Variants in CNOT4 observed in about 807,000 individuals in gnomAD.
CNOT4 encodes CCR4-associated factor 4.
A neutral mutation model predicts 73.8 loss-of-function variants in CNOT4; 8 were observed. The observed-to-expected ratio is 0.11, with a 90% CI of 0.06 to 0.20. The LOEUF is 0.20. CNOT4 is among the 10% of genes least tolerant of loss of function. The probability of loss-of-function intolerance (pLI) is 1.00; values close to 1 mark genes in which losing one functional copy is unlikely to be tolerated. For synonymous variants in CNOT4, 293 were observed against 321.1 expected (o/e 0.91, Z 0.94); for missense variants, 564 against 883.4 (o/e 0.64, Z 4.58).
At chr7:135,490,497 C>A (rs1253278759) in intron 1 of CNOT4, among the ~76,000 whole-genome samples, 1 of 152,168 alleles carries the variant, frequency 6.6e-6, no homozygotes, top group East Asian at 1.9e-4. Context: ...TTCAAAGAAA[C>A]TTTCAGGAAT....
chr7:135,390,201 C>T (rs1454483724), intron 10 of CNOT4, among the ~76,000 whole-genome samples: 3 of 152,042 alleles, frequency 2.0e-5, no homozygotes, highest in South Asian at 4.1e-4. Flanking sequence ...AAAGCACATG[C>T]CAGTGATCTT....
intron 1 of CNOT4, among the ~76,000 whole-genome samples, chr7:135,488,888 T>C (rs1046976845): frequency 6.6e-6 from 1 of 152,116 alleles, no homozygotes; most frequent in African/African-American, 2.4e-5. Flanking sequence ...TATGCTTGTG[T>C]AGTACTACCA....
At chr7:135,416,921 G>A (rs1051416975) in intron 3 of CNOT4, among the ~76,000 whole-genome samples, 1 of 152,162 alleles carries the variant, frequency 6.6e-6, no homozygotes, top group African/African-American at 2.4e-5. Flanking sequence ...TGCCCTGCAA[G>A]ACATGCCTGA....
At chr7:135,370,598 C>T (rs957862747) in intron 10 of CNOT4, among the ~76,000 whole-genome samples, 2 of 152,196 alleles carry the variant, frequency 1.3e-5, no homozygotes, top group East Asian at 3.8e-4. Context: ...GCTGAAAAGC[C>T]TGATGGGGAC....
intron 1 of CNOT4, among the ~76,000 whole-genome samples, chr7:135,485,110 G>A (rs2129487434): frequency 6.6e-6 from 1 of 152,248 alleles, no homozygotes; most frequent in East Asian, 1.9e-4. Flanking sequence ...GTCTCGCTCT[G>A]TCACCAGGCT....
At chr7:135,428,632 G>C (rs1798648067) in intron 2 of CNOT4, among the ~76,000 whole-genome samples, 1 of 151,936 alleles carries the variant, frequency 6.6e-6, no homozygotes, top group African/African-American at 2.4e-5. Context: ...CGCACATGAG[G>C]ACAGGTCAGA....
At chr7:135,390,580 A>C (rs1796349014) in intron 10 of CNOT4, among the ~76,000 whole-genome samples, 1 of 152,194 alleles carries the variant, frequency 6.6e-6, no homozygotes, top group Admixed American at 6.5e-5. Context: ...AATTAAGGAA[A>C]TAACTACTAA....
At chr7:135,477,061 G>C (rs1478264616) in intron 1 of CNOT4, among the ~76,000 whole-genome samples, 1 of 151,948 alleles carries the variant, frequency 6.6e-6, no homozygotes, top group African/African-American at 2.4e-5. Flanking sequence ...TTAATTTTAG[G>C]CCAGATGTTG....
At chr7:135,434,129 G>A (rs890836769) in intron 2 of CNOT4, among the ~76,000 whole-genome samples, 1 of 152,146 alleles carries the variant, frequency 6.6e-6, no homozygotes, top group Non-Finnish European at 1.5e-5. Context: ...CATGGCCTCT[G>A]TAGACCCTGT....
intron 7 of CNOT4, 115 bp downstream of exon 7, chr7:135,410,400 C>G: frequency 1.5e-6 from 1 of 677,430 alleles, no homozygotes; most frequent in Non-Finnish European, 2.3e-6. Flanking sequence ...CTAAACAATT[C>G]TGCATAAATG....
At chr7:135,432,111 C>T (rs1563046881) in intron 2 of CNOT4, among the ~76,000 whole-genome samples, 1 of 151,872 alleles carries the variant, frequency 6.6e-6, no homozygotes, top group Non-Finnish European at 1.5e-5. Flanking sequence ...TCAAAACTTA[C>T]AATAATAAAG....
At chr7:135,453,814 AATATATATATTTTATATATATAT>A (rs1475638810) in intron 1 of CNOT4, among the ~76,000 whole-genome samples, 3 of 108,354 alleles carry the variant, frequency 2.8e-5, no homozygotes, top group Non-Finnish European at 5.8e-5. Flanking sequence ...ATATATAATA[AATATATATATTTTATATATATAT>A]ATATATATAT....
chr7:135,384,633 C>T, intron 10 of CNOT4: 1 of 764,430 alleles, frequency 1.3e-6, no homozygotes, highest in Non-Finnish European at 2.4e-6. Flanking sequence ...GAGCTTATCT[C>T]TTCCCACCAC....
intron 1 of CNOT4, among the ~76,000 whole-genome samples, chr7:135,489,609 T>A (rs951173156): frequency 7.2e-5 from 11 of 152,008 alleles, no homozygotes; most frequent in African/African-American, 2.7e-4. Context: ...TTGGCCAGGC[T>A]AGTCTTGAAC....
At chr7:135,454,124 A>G (rs1800374546) in intron 1 of CNOT4, among the ~76,000 whole-genome samples, 1 of 151,656 alleles carries the variant, frequency 6.6e-6, no homozygotes, top group Non-Finnish European at 1.5e-5. Flanking sequence ...AAAGGAAGAA[A>G]AAATTTAGTG....
At chr7:135,399,406 T>C (rs1416885432) in intron 7 of CNOT4, among the ~76,000 whole-genome samples, 1 of 152,066 alleles carries the variant, frequency 6.6e-6, no homozygotes, top group African/African-American at 2.4e-5. Context: ...TGTATCTAAA[T>C]ATATCTAAAA....
intron 10 of CNOT4, chr7:135,384,405 C>A: frequency 2.8e-6 from 1 of 350,932 alleles, no homozygotes. Context: ...CTGCCTCAGC[C>A]TCCCGAGTAG....
intron 10 of CNOT4, among the ~76,000 whole-genome samples, chr7:135,389,354 GA>G (rs1033831353): frequency 1.3e-5 from 2 of 150,776 alleles, no homozygotes; most frequent in African/African-American, 4.9e-5. Context: ...TTATGTACTA[GA>G]AAAAAATGAA....
At chr7:135,467,941 C>T (rs540751097) in intron 1 of CNOT4, among the ~76,000 whole-genome samples, 4 of 152,192 alleles carry the variant, frequency 2.6e-5, no homozygotes, top group South Asian at 2.1e-4. Context: ...ATCGGCCAGG[C>T]GTGGTGGCTC....
Sources: allele counts gnomAD v4.1 joint callset (sites outside exome capture counted in the v4.1 genomes callset), GRCh38; gene constraint gnomAD v4.1.1; transcripts MANE v1.5; gene names NCBI Gene and HGNC (gene_info 2026-07-23, HGNC 2026-07-21).